Variants in CLVS1 observed in about 807,000 individuals in gnomAD.
The protein encoded by CLVS1 is clavesin 1.
A neutral mutation model predicts 33.1 loss-of-function variants in CLVS1; 10 were observed. The ratio of observed to expected loss-of-function variants is 0.30; its 90% CI spans 0.19 to 0.51. The LOEUF (loss-of-function observed/expected upper bound fraction) is 0.51, where lower values mean the gene tolerates loss of function less well. CLVS1 is among the 20% of genes least tolerant of loss of function. The pLI is 0.97. For missense variants in CLVS1, 343 were observed against 433.4 expected, an observed-to-expected ratio of 0.79 and a Z score of 1.85; for synonymous variants, 163 against 166.1, an observed-to-expected ratio of 0.98 and a Z score of 0.14.
intron 2 of CLVS1, among the ~76,000 whole-genome samples, chr8:61,248,123 T>C (rs1808856824): frequency 6.6e-6 from 1 of 152,198 alleles, no homozygotes; most frequent in Admixed American, 6.6e-5. Flanking sequence ...CTGGACTTTC[T>C]ATTCTGTTAA....
At chr8:61,088,840 C>G (rs932222841) in intron 1 of CLVS1, among the ~76,000 whole-genome samples, 2 of 148,192 alleles carry the variant, frequency 1.3e-5, no homozygotes, top group South Asian at 4.2e-4. Context: ...CTCGCTCTGT[C>G]GCCCAGGCTG....
chr8:60,993,354 G>A, the CLVS1 span, among the ~76,000 whole-genome samples: 2 of 152,216 alleles, frequency 1.3e-5, no homozygotes, highest in African/African-American at 4.8e-5. Flanking sequence ...TCTCCAGTGT[G>A]GAATTTGGCT....
chr8:61,125,415 A>G (rs1345448558), intron 1 of CLVS1, among the ~76,000 whole-genome samples: 1 of 152,172 alleles, frequency 6.6e-6, no homozygotes, highest in East Asian at 1.9e-4. Context: ...GGGGTTACTC[A>G]AAACTAAAAC....
chr8:61,408,269 A>G (rs1249603171), intron 3 of CLVS1, among the ~76,000 whole-genome samples: 1 of 152,232 alleles, frequency 6.6e-6, no homozygotes, highest in South Asian at 2.1e-4. Flanking sequence ...CAAGAGGTGA[A>G]ATTTGAGCTT....
At chr8:61,161,842 G>T (rs367706360) in intron 2 of CLVS1, among the ~76,000 whole-genome samples, 1 of 152,172 alleles carries the variant, frequency 6.6e-6, no homozygotes, top group Non-Finnish European at 1.5e-5. Flanking sequence ...ATGTTGATTA[G>T]CTTAATAAGC....
intron 2 of CLVS1, among the ~76,000 whole-genome samples, chr8:61,354,775 AT>A (rs1563512394): frequency 6.6e-6 from 1 of 152,142 alleles, no homozygotes; most frequent in Non-Finnish European, 1.5e-5. Flanking sequence ...AAATGACAAA[AT>A]TTTAGAAATG....
chr8:61,225,371 A>G (rs1776603274), intron 2 of CLVS1, among the ~76,000 whole-genome samples: 2 of 152,286 alleles, frequency 1.3e-5, no homozygotes, highest in African/African-American at 4.8e-5. Flanking sequence ...TTCTTTATGC[A>G]TAGTAGATGG....
intron 2 of CLVS1, among the ~76,000 whole-genome samples, chr8:61,364,503 T>C (rs1366929082): frequency 1.3e-5 from 2 of 152,240 alleles, no homozygotes; most frequent in Non-Finnish European, 2.9e-5. Flanking sequence ...TTCAGTTACA[T>C]AATAATTTCC....
intron 2 of CLVS1, among the ~76,000 whole-genome samples, chr8:61,240,894 G>GTTTTTTTTTTTTTTTTTTTTTTTTTTTTT (rs549955338): frequency 7.7e-6 from 1 of 130,616 alleles, no homozygotes; most frequent in African/African-American, 3.2e-5. Flanking sequence ...TTTGCTGTAG[G>GTTTTTTTTTTTTTTTTTTTTTTTTTTTTT]TTTTTTTTTT....
At position 61,230,100 on chromosome 8, in the gene CLVS1, G is replaced by GTGTT. The variant is rs551922079; in HGVS notation, c.-151-69576_-151-69573dup. On this transcript the variant is annotated intron_variant, in intron 2 of 2. Coordinates refer to the CLVS1 transcript ENST00000522621. ...GAGGGGCCTCAGGGTCGGGGAAGGA[G>GTGTT]TGTTAGACTAAAAGGGAAGATAAGT... 7.2e-5 allele frequency among the ~76,000 whole-genome samples: 11 copies of GTGTT among 152,312 alleles called. 1 individual carries two copies. In the South Asian group the frequency reaches 1.2e-3, roughly 17 times the overall value.
At chr8:61,374,954 A>G (rs1813582174) in intron 2 of CLVS1, among the ~76,000 whole-genome samples, 1 of 152,070 alleles carries the variant, frequency 6.6e-6, no homozygotes. Flanking sequence ...TAATATCTTT[A>G]TTTTTTATCT....
intron 2 of CLVS1, among the ~76,000 whole-genome samples, chr8:61,324,481 T>A (rs1490640005): frequency 6.6e-6 from 1 of 152,056 alleles, no homozygotes; most frequent in East Asian, 1.9e-4. Flanking sequence ...TATGTCTTTA[T>A]CAGCAGCATG....
At chr8:61,248,777 AG>A (rs1240571533) in intron 2 of CLVS1, among the ~76,000 whole-genome samples, 6 of 152,214 alleles carry the variant, frequency 3.9e-5, no homozygotes, top group African/African-American at 1.4e-4. Context: ...GACACCCAGA[AG>A]TCCTCTCTTA....
intron 2 of CLVS1, among the ~76,000 whole-genome samples, chr8:61,239,792 G>T (rs974836998): frequency 1.3e-5 from 2 of 152,200 alleles, no homozygotes; most frequent in African/African-American, 4.8e-5. Flanking sequence ...CTTCCTCTGA[G>T]CCAGTTTTTA....
chr8:61,213,721 A>G (rs1808022038), intron 2 of CLVS1, among the ~76,000 whole-genome samples: 1 of 152,160 alleles, frequency 6.6e-6, no homozygotes, highest in East Asian at 1.9e-4. Flanking sequence ...AATTGCATTA[A>G]TTGCACAAAT....
intron 1 of CLVS1, among the ~76,000 whole-genome samples, chr8:61,076,259 T>C (rs1403497273): frequency 6.6e-6 from 1 of 152,202 alleles, no homozygotes; most frequent in East Asian, 1.9e-4. Flanking sequence ...TCTATGCTTT[T>C]CCCCTATTTA....
At chr8:61,113,828 C>T (rs538829357) in intron 1 of CLVS1, among the ~76,000 whole-genome samples, 1 of 152,316 alleles carries the variant, frequency 6.6e-6, no homozygotes, top group East Asian at 1.9e-4. Flanking sequence ...GACGGGGTGC[C>T]ACTGTGTTGC....
chr8:61,097,264 C>A (rs949603197), intron 1 of CLVS1, among the ~76,000 whole-genome samples: 1 of 151,090 alleles, frequency 6.6e-6, no homozygotes, highest in Admixed American at 6.6e-5. Flanking sequence ...TGCTCTCCAG[C>A]CAGGGTAACA....
intron 3 of CLVS1, among the ~76,000 whole-genome samples, chr8:61,443,889 G>T (rs1282036336): frequency 6.6e-6 from 1 of 151,836 alleles, no homozygotes; most frequent in Non-Finnish European, 1.5e-5. Flanking sequence ...CATTTAGGTG[G>T]ATCTTTTTTT....
Sources: gnomAD v4.1 joint callset for allele counts (sites outside exome capture counted in the v4.1 genomes callset) on GRCh38, gnomAD v4.1.1 for gene constraint, MANE v1.5 for transcripts, NCBI Gene and HGNC (gene_info 2026-07-23, HGNC 2026-07-21) for gene names.